UBE2R2: variants seen among roughly 807,000 people sequenced by gnomAD.
UBE2R2 encodes ubiquitin conjugating enzyme E2 R2, also known as ubiquitin-conjugating enzyme E2 R2.
Under a neutral mutation model 27.8 loss-of-function variants are expected in UBE2R2, and 1 was observed. That is an observed-to-expected ratio of 0.04 (90% CI 0.01 to 0.17). The LOEUF is 0.17. Among genes scored for constraint, UBE2R2 ranks in the 10% least tolerant of loss-of-function variants. The pLI is 1.00. For missense variants in UBE2R2, 100 were observed against 291.0 expected (o/e 0.34, Z 4.78); for synonymous variants, 106 against 113.3 (o/e 0.94, Z 0.41).
At chr9:33,878,453 A>G (rs1821662897) in intron 1 of UBE2R2, among the ~76,000 whole-genome samples, 1 of 152,058 alleles carries the variant, frequency 6.6e-6, no homozygotes, top group Non-Finnish European at 1.5e-5. Flanking sequence ...TGTCCCTACA[A>G]AAATTAAATG....
chr9:33,873,922 C>G (rs996772104), intron 1 of UBE2R2, among the ~76,000 whole-genome samples: 5 of 150,390 alleles, frequency 3.3e-5, no homozygotes, highest in Admixed American at 1.3e-4. Flanking sequence ...GGGTTTCAGG[C>G]ATGAACCAGC....
At chr9:33,870,138 C>A (rs899693778) in intron 1 of UBE2R2, among the ~76,000 whole-genome samples, 2 of 151,834 alleles carry the variant, frequency 1.3e-5, no homozygotes, top group Non-Finnish European at 2.9e-5. Flanking sequence ...AGCCACTGTG[C>A]CCAGCCTTAT....
chr9:33,844,637 A>G (rs1820800729), intron 1 of UBE2R2, among the ~76,000 whole-genome samples: 1 of 151,800 alleles, frequency 6.6e-6, no homozygotes, highest in South Asian at 2.1e-4. Flanking sequence ...TGTTGTTCCA[A>G]ACATTCATTA....
At chr9:33,910,713 C>T (rs766968135) in intron 3 of UBE2R2, among the ~76,000 whole-genome samples, 1 of 152,168 alleles carries the variant, frequency 6.6e-6, no homozygotes. Flanking sequence ...TTTGCTTTTC[C>T]TCCATTCTCC....
At position 33,895,754 on chromosome 9, in the gene UBE2R2, TTCTC is replaced by T. The variant is rs1164656567; in HGVS notation, c.265-4408_265-4405del. On this transcript the variant is annotated intron_variant, in intron 2 of 4. Transcript: ENST00000263228. The stretch of plus-strand genomic sequence containing the variant: ...CTTTTCCCTTCCATGACTAGATTTA[TTCTC>T]TCTCTCTCTCTTTTTTTTTTTTTTT... Among the ~76,000 whole-genome samples, 136 of 149,258 alleles carry T rather than the reference TTCTC, an allele frequency of 9.1e-4. 2 individuals carry two copies. The highest frequency in any genetic ancestry group is 3.5e-3 in the Middle Eastern group (1 of 288).
intron 1 of UBE2R2, among the ~76,000 whole-genome samples, chr9:33,830,795 G>A (rs971038605): frequency 6.6e-5 from 10 of 151,288 alleles, no homozygotes; most frequent in Non-Finnish European, 1.5e-4. Flanking sequence ...AGAGATATCT[G>A]CTTTGCTTAT....
upstream of UBE2R2, among the ~76,000 whole-genome samples, chr9:33,817,085 GC>G (rs1825791053): frequency 6.6e-6 from 1 of 151,784 alleles, no homozygotes; most frequent in Non-Finnish European, 1.5e-5. Context: ...CGCGCGTCGG[GC>G]CGCCAGCCGC....
rs1177435458 is a variant in UBE2R2 at position 33,917,079 on chromosome 9, C to T, written c.559C>T (p.Leu187=). The T allele has an allele frequency of 6.2e-7, 1 of 1,614,220 alleles. No homozygotes were observed. The highest frequency in any genetic ancestry group is 8.5e-7 in the Non-Finnish European group (1 of 1,180,034). The change falls in exon 5 of 5, where the codon CTG becomes TTG. Residue 187 remains leucine (L), a synonymous_variant. Coordinates refer to ENST00000263228, the MANE Select transcript of UBE2R2 (RefSeq NM_017811.4). ...EKDGVKVPTT[L]AEYCIKTKVP... ...GGATGGAGTGAAGGTCCCCACAACC[C>T]TGGCGGAATACTGCATCAAAACTAA... is the stretch of plus-strand genomic sequence containing the variant.
intron 2 of UBE2R2, 106 bp downstream of exon 2, chr9:33,887,073 T>C: frequency 1.1e-6 from 1 of 869,758 alleles, no homozygotes; most frequent in East Asian, 2.8e-5. Flanking sequence ...TTTGTAGCCA[T>C]AGAGAAATAT....
chr9:33,883,713 C>CAAAA (rs1158414910), intron 1 of UBE2R2, among the ~76,000 whole-genome samples: 1 of 75,192 alleles, frequency 1.3e-5, no homozygotes, highest in Non-Finnish European at 2.5e-5. Context: ...GACTCTGTCT[C>CAAAA]AAAAAAAAAA....
intron 1 of UBE2R2, among the ~76,000 whole-genome samples, chr9:33,878,019 A>C (rs915035586): frequency 7.2e-5 from 11 of 152,230 alleles, no homozygotes; most frequent in Non-Finnish European, 1.2e-4. Flanking sequence ...AGCCTCCCAA[A>C]GTGCTAAGAT....
At chr9:33,841,108 A>T (rs867203231) in intron 1 of UBE2R2, among the ~76,000 whole-genome samples, 60 of 151,656 alleles carry the variant, frequency 4.0e-4, no homozygotes, top group Non-Finnish European at 1.3e-4. Context: ...TTTGAGACGA[A>T]GTCTTGCTTT....
chr9:33,891,072 T>A, intron 2 of UBE2R2, among the ~76,000 whole-genome samples: 1 of 150,420 alleles, frequency 6.6e-6, no homozygotes, highest in African/African-American at 2.4e-5. Flanking sequence ...TTTTTTGAGA[T>A]GGAGTCTTGC....
At chr9:33,894,837 C>T (rs942291857) in intron 2 of UBE2R2, among the ~76,000 whole-genome samples, 1 of 152,130 alleles carries the variant, frequency 6.6e-6, no homozygotes, top group African/African-American at 2.4e-5. Context: ...GTAGAGGCTG[C>T]AGTGAGCTGA....
At chr9:33,904,822 G>A (rs1822318278) in intron 3 of UBE2R2, among the ~76,000 whole-genome samples, 1 of 152,178 alleles carries the variant, frequency 6.6e-6, no homozygotes, top group South Asian at 2.1e-4. Context: ...GGCTGGAGGT[G>A]GTGGGGAGAG....
At chr9:33,898,913 A>G (rs1421299993) in intron 2 of UBE2R2, among the ~76,000 whole-genome samples, 2 of 152,254 alleles carry the variant, frequency 1.3e-5, no homozygotes, top group African/African-American at 4.8e-5. Flanking sequence ...CCATATGTGT[A>G]TGAATTAACC....
At chr9:33,895,768 C>CTTTTTTTTTTT (rs776870484) in intron 2 of UBE2R2, among the ~76,000 whole-genome samples, 1 of 90,278 alleles carries the variant, frequency 1.1e-5, no homozygotes, top group Non-Finnish European at 2.1e-5. Flanking sequence ...CTCTCTCTCT[C>CTTTTTTTTTTT]TTTTTTTTTT....
At chr9:33,916,678 A>G (rs373127115) in intron 4 of UBE2R2, among the ~76,000 whole-genome samples, 15 of 152,232 alleles carry the variant, frequency 9.9e-5, no homozygotes, top group African/African-American at 3.6e-4. Context: ...CACTAAGTCA[A>G]TACCTGTTCT....
At chr9:33,870,942 G>A (rs7856487) in intron 1 of UBE2R2, among the ~76,000 whole-genome samples, 12,240 of 152,172 alleles carry the variant, frequency 0.08, 692 homozygotes, top group Non-Finnish European at 0.12. Flanking sequence ...TATACTTCCT[G>A]TGTGTCTCAA....
Sources: gnomAD v4.1 joint callset for allele counts (sites outside exome capture counted in the v4.1 genomes callset) on GRCh38, gnomAD v4.1.1 for gene constraint, MANE v1.5 for transcripts, NCBI Gene and HGNC (gene_info 2026-07-23, HGNC 2026-07-21) for gene names.